The following FMN2 variants were observed in gnomAD, a reference collection of about 807,000 sequenced individuals.
FMN2 encodes the protein formin-2.
Under a neutral mutation model 142.3 loss-of-function variants are expected in FMN2, and 51 were observed. The ratio of observed to expected loss-of-function variants is 0.36; its 90% CI spans 0.29 to 0.45. The LOEUF (loss-of-function observed/expected upper bound fraction) is 0.45, where lower values mean the gene tolerates loss of function less well. FMN2 is among the 20% of genes least tolerant of loss of function. FMN2 has a pLI of 1.00. For synonymous variants in FMN2, 882 were observed against 869.8 expected (o/e 1.01, Z -0.25); for missense variants, 1,936 against 2,122.8 (o/e 0.91, Z 1.73).
chr1:240,414,668 G>GT (rs200902206), intron 15 of FMN2, among the ~76,000 whole-genome samples: 2,021 of 152,246 alleles, frequency 0.013, 48 homozygotes, highest in African/African-American at 0.047. Flanking sequence ...TTTGTAAACT[G>GT]TATGGCAACA....
chr1:240,249,082 T>C (rs942119801), intron 6 of FMN2, among the ~76,000 whole-genome samples: 1 of 152,148 alleles, frequency 6.6e-6, no homozygotes, highest in Admixed American at 6.6e-5. Context: ...TTTTTTGCTG[T>C]CCAGAAGCTT....
intron 5 of FMN2, among the ~76,000 whole-genome samples, chr1:240,209,903 C>A (rs868492207): frequency 2.0e-5 from 3 of 151,694 alleles, no homozygotes; most frequent in Admixed American, 6.6e-5. Context: ...GAGTCCGTCT[C>A]AAAAATAAGT....
chr1:240,332,565 T>C (rs1671416553), intron 11 of FMN2, among the ~76,000 whole-genome samples: 1 of 152,180 alleles, frequency 6.6e-6, no homozygotes, highest in Non-Finnish European at 1.5e-5. Flanking sequence ...GTGGGACTTT[T>C]TTGGTATCAG....
intron 2 of FMN2, among the ~76,000 whole-genome samples, chr1:240,158,366 C>T (rs1000152832): frequency 1.3e-5 from 2 of 152,064 alleles, no homozygotes; most frequent in Non-Finnish European, 2.9e-5. Flanking sequence ...AGTCAACTGA[C>T]CTCCCTGGGT....
intron 6 of FMN2, among the ~76,000 whole-genome samples, chr1:240,252,113 CG>C (rs1182718985): frequency 6.6e-6 from 1 of 151,846 alleles, no homozygotes; most frequent in Non-Finnish European, 1.5e-5. Flanking sequence ...TTCACCATTT[CG>C]GCCAGGTTGG....
chr1:240,317,678 G>T (rs1251300616), intron 8 of FMN2, among the ~76,000 whole-genome samples: 1 of 151,840 alleles, frequency 6.6e-6, no homozygotes, highest in Admixed American at 6.6e-5. Flanking sequence ...TGAGTTTTTG[G>T]GTATTACACA....
intron 3 of FMN2, chr1:240,179,270 A>G (rs1665053845): frequency 1.1e-5 from 1 of 92,014 alleles, no homozygotes; most frequent in Non-Finnish European, 2.3e-5. Flanking sequence ...ATGACCAACA[A>G]TGTAAAAGGT....
intron 2 of FMN2, among the ~76,000 whole-genome samples, chr1:240,137,819 C>T (rs896100176): frequency 1.3e-5 from 2 of 151,924 alleles, no homozygotes; most frequent in African/African-American, 2.4e-5. Context: ...TGGCCAGGGG[C>T]GGTAGCTCAC....
intron 15 of FMN2, among the ~76,000 whole-genome samples, chr1:240,429,973 C>A (rs1479729905): frequency 6.6e-6 from 1 of 151,488 alleles, no homozygotes; most frequent in Non-Finnish European, 1.5e-5. Context: ...GCAAGCTCTG[C>A]CTCCCGGGTC....
intron 1 of FMN2, among the ~76,000 whole-genome samples, chr1:240,116,711 G>C (rs1013331185): frequency 6.6e-6 from 1 of 151,844 alleles, no homozygotes; most frequent in African/African-American, 2.4e-5. Flanking sequence ...AGTTATGATA[G>C]GGCCACTGCA....
intron 7 of FMN2, among the ~76,000 whole-genome samples, chr1:240,293,822 T>C (rs1669872763): frequency 6.6e-6 from 1 of 152,150 alleles, no homozygotes; most frequent in Admixed American, 6.6e-5. Context: ...AATTACCTTG[T>C]TTAGATTTCT....
chr1:240,429,453 C>A (rs1167884555), intron 15 of FMN2, among the ~76,000 whole-genome samples: 2 of 152,068 alleles, frequency 1.3e-5, no homozygotes, highest in Non-Finnish European at 2.9e-5. Context: ...TGTTTTTCTT[C>A]CTCCTTTCTT....
At chr1:240,450,256 A>G (rs1470141338) in intron 16 of FMN2, among the ~76,000 whole-genome samples, 1 of 152,210 alleles carries the variant, frequency 6.6e-6, no homozygotes, top group African/African-American at 2.4e-5. Context: ...TCTAATTATA[A>G]CTATAATTTA....
chr1:240,235,269 T>G (rs1667664675), intron 6 of FMN2, among the ~76,000 whole-genome samples: 1 of 152,190 alleles, frequency 6.6e-6, no homozygotes, highest in South Asian at 2.1e-4. Flanking sequence ...GGACGTCATC[T>G]TTGCACGATT....
At chr1:240,345,008 T>C (rs980684723) in intron 13 of FMN2, among the ~76,000 whole-genome samples, 7 of 152,196 alleles carry the variant, frequency 4.6e-5, no homozygotes, top group African/African-American at 1.4e-4. Flanking sequence ...AAGTTTACCA[T>C]GAGATTATAG....
At position 240,207,828 on chromosome 1, in the gene FMN2, G is replaced by A. The variant is rs1666476127; in HGVS notation, c.3016G>A (p.Ala1006Thr). The part of the protein sequence containing the change: ...GIPPPPPLPG[A>T]GIPPPPPLPG... ...ACCCCCTCCGCCCCCACTTCCCGGA[G>A]CGGGCATACCCCCTCCTCCCCCTCT... Residue 1006 changes from alanine (A) to threonine (T), a missense_variant, in exon 5 of 18, where the codon GCG becomes ACG. This residue lies in a region of FMN2 where 63 missense variants were observed against 86.3 expected (regional missense o/e 0.73). Coordinates refer to ENST00000319653, the MANE Select transcript of FMN2 (RefSeq NM_020066.5). 1 of 415,984 alleles carries A rather than the reference G, an allele frequency of 2.4e-6. No homozygotes were observed. Among genetic ancestry groups the A allele is most frequent in the East Asian group, 4.5e-5 (1 of 22,204 alleles). The allele number at this position is 415,984 out of a possible 1,614,324, so 25.8% of individuals were successfully genotyped here.
intron 8 of FMN2, among the ~76,000 whole-genome samples, chr1:240,297,602 A>G (rs2102966928): frequency 6.6e-6 from 1 of 150,554 alleles, no homozygotes; most frequent in Admixed American, 6.7e-5. Flanking sequence ...CTCAAAAAAA[A>G]AAAAAAAAAA....
chr1:240,421,324 G>A (rs552849318), intron 15 of FMN2, among the ~76,000 whole-genome samples: 1 of 152,250 alleles, frequency 6.6e-6, no homozygotes, highest in South Asian at 2.1e-4. Context: ...TAATTTTAAT[G>A]TCTACCTTTA....
chr1:240,170,272 G>A, intron 2 of FMN2: 2 of 1,176,058 alleles, frequency 1.7e-6, no homozygotes, highest in Admixed American at 1.7e-5. Flanking sequence ...GGCTCGTGAA[G>A]TTTGAATCAA....
Sources: allele counts gnomAD v4.1 joint callset (sites outside exome capture counted in the v4.1 genomes callset), GRCh38; gene constraint gnomAD v4.1.1; regional missense constraint gnomAD v4.1.1; transcripts MANE v1.5; gene names NCBI Gene and HGNC (gene_info 2026-07-23, HGNC 2026-07-21).